Variants in EYA2 observed in about 807,000 individuals in gnomAD.
EYA2 encodes EYA transcriptional coactivator and phosphatase 2.
EYA2 carries 31 observed loss-of-function variants against 69.2 expected under a neutral mutation model. That is an observed-to-expected ratio of 0.45 (90% confidence interval 0.34 to 0.60). The LOEUF (loss-of-function observed/expected upper bound fraction) is 0.60, where lower values mean the gene tolerates loss of function less well. Among genes scored for constraint, EYA2 ranks in the 20% least tolerant of loss-of-function variants. The probability of loss-of-function intolerance (pLI) is 0.02; values close to 1 mark genes in which losing one functional copy is unlikely to be tolerated. For missense variants in EYA2, 622 were observed against 701.2 expected (o/e 0.89, Z 1.28); for synonymous variants, 257 against 279.4 (o/e 0.92, Z 0.80).
At chr20:46,903,513 G>A (rs1984214603) in intron 1 of EYA2, among the ~76,000 whole-genome samples, 1 of 152,180 alleles carries the variant, frequency 6.6e-6, no homozygotes, top group South Asian at 2.1e-4. Flanking sequence ...CTGACTTTCA[G>A]CCTCGAGATT....
At chr20:47,064,183 C>T (rs1373696497) in intron 5 of EYA2, among the ~76,000 whole-genome samples, 1 of 152,214 alleles carries the variant, frequency 6.6e-6, no homozygotes. Context: ...TCTCAAACTC[C>T]TGGGCTCAAG....
intron 1 of EYA2, chr20:46,978,230 T>A (rs1351893978): frequency 5.1e-6 from 1 of 195,738 alleles, no homozygotes; most frequent in East Asian, 1.3e-4. Context: ...AGCTTGTTAG[T>A]AGGGTCAGTC....
intron 1 of EYA2, among the ~76,000 whole-genome samples, chr20:46,983,920 T>A (rs1211528782): frequency 6.6e-6 from 1 of 152,198 alleles, no homozygotes; most frequent in African/African-American, 2.4e-5. Flanking sequence ...TGACTTCCAA[T>A]CCCTTAAGAC....
chr20:47,052,815 G>T (rs1806201868), intron 5 of EYA2, among the ~76,000 whole-genome samples: 2 of 151,972 alleles, frequency 1.3e-5, no homozygotes, highest in African/African-American at 2.4e-5. Flanking sequence ...GTAGAGATGG[G>T]ATCTCACTAT....
intron 2 of EYA2, among the ~76,000 whole-genome samples, chr20:46,996,632 G>A (rs907821912): frequency 3.3e-5 from 5 of 152,086 alleles, no homozygotes; most frequent in Admixed American, 1.3e-4. Context: ...AGGAGGCTTC[G>A]GGTCCATAAA....
intron 5 of EYA2, among the ~76,000 whole-genome samples, chr20:47,021,355 A>G (rs1983734362): frequency 6.6e-6 from 1 of 152,216 alleles, no homozygotes; most frequent in South Asian, 2.1e-4. Context: ...GGCCAAGTGC[A>G]GTGGCTCATA....
chr20:47,039,968 G>A (rs1333732760), intron 5 of EYA2, among the ~76,000 whole-genome samples: 1 of 146,054 alleles, frequency 6.8e-6, no homozygotes, highest in African/African-American at 2.5e-5. Flanking sequence ...AGCCTCCCGA[G>A]TAGCTGGGAT....
In EYA2 at chr20:47,141,478, C is replaced by T. The variant is rs185859892; in HGVS notation, c.889-1581C>T. Among the ~76,000 whole-genome samples the T allele has an allele frequency of 4.0e-4, 61 of 152,248 alleles. No individual in the cohort carries two copies. The East Asian group carries it at 0.011, about 27-fold the overall frequency. Reference sequence around the variant, plus strand: ...CTTCTCAGAGCATCACAATATGTATCCAGGGGTGGAAACCATTGTGCTGCA... The same window carrying T: ...CTTCTCAGAGCATCACAATATGTATTCAGGGGTGGAAACCATTGTGCTGCA... On this transcript the variant is annotated intron_variant, in intron 9 of 15. Transcript: ENST00000327619.
chr20:46,918,075 C>T (rs1406408299), intron 1 of EYA2, among the ~76,000 whole-genome samples: 2 of 152,074 alleles, frequency 1.3e-5, no homozygotes, highest in East Asian at 1.9e-4. Flanking sequence ...AATCCCAGCA[C>T]TTTGGGAAGC....
intron 2 of EYA2, among the ~76,000 whole-genome samples, chr20:47,001,013 G>A (rs1013848611): frequency 6.6e-6 from 1 of 152,022 alleles, no homozygotes; most frequent in Non-Finnish European, 1.5e-5. Flanking sequence ...GGAAGGGAGC[G>A]GTTTTCCATC....
intron 5 of EYA2, among the ~76,000 whole-genome samples, chr20:47,023,352 A>G (rs1208371813): frequency 2.0e-5 from 3 of 149,496 alleles, no homozygotes; most frequent in Non-Finnish European, 3.0e-5. Context: ...GGGTTTCTCT[A>G]TCACTGTTGT....
intron 9 of EYA2, among the ~76,000 whole-genome samples, chr20:47,118,350 G>T (rs150110679): frequency 6.6e-6 from 1 of 152,158 alleles, no homozygotes; most frequent in Non-Finnish European, 1.5e-5. Context: ...TTGCAGCACG[G>T]CTGGGAGAAG....
chr20:47,019,136 T>A (rs1036887362), intron 5 of EYA2, among the ~76,000 whole-genome samples: 1 of 152,016 alleles, frequency 6.6e-6, no homozygotes, highest in African/African-American at 2.4e-5. Context: ...CCCTTCACAC[T>A]CTCTTAGATC....
intron 5 of EYA2, among the ~76,000 whole-genome samples, chr20:47,050,085 A>T (rs2030250668): frequency 6.6e-6 from 1 of 152,140 alleles, no homozygotes; most frequent in African/African-American, 2.4e-5. Context: ...ATTATTGGTG[A>T]TGTTAACCTT....
At chr20:46,992,974 AG>A (rs1359762969) in intron 2 of EYA2, among the ~76,000 whole-genome samples, 1 of 152,062 alleles carries the variant, frequency 6.6e-6, no homozygotes, top group Non-Finnish European at 1.5e-5. Context: ...GTGGCTTCAA[AG>A]GTCCTACTCA....
At chr20:47,063,392 C>CGTGTGCGT (rs1430441053) in intron 5 of EYA2, among the ~76,000 whole-genome samples, 1 of 143,372 alleles carries the variant, frequency 7.0e-6, no homozygotes, top group Non-Finnish European at 1.5e-5. Context: ...TGTGCGTGTG[C>CGTGTGCGT]GTGTGTGTGT....
intron 1 of EYA2, among the ~76,000 whole-genome samples, chr20:46,942,485 A>G (rs1305618826): frequency 6.6e-6 from 1 of 152,226 alleles, no homozygotes; most frequent in Non-Finnish European, 1.5e-5. Context: ...CCTCACATTT[A>G]GAGACATTTT....
chr20:47,028,119 C>T (rs1984200699), intron 5 of EYA2, among the ~76,000 whole-genome samples: 1 of 152,170 alleles, frequency 6.6e-6, no homozygotes, highest in Non-Finnish European at 1.5e-5. Context: ...CTCCTTGTCT[C>T]TCCCTGAATG....
At chr20:47,146,045 AGGAC>A (rs1225754444) in intron 10 of EYA2, among the ~76,000 whole-genome samples, 1 of 152,142 alleles carries the variant, frequency 6.6e-6, no homozygotes, top group East Asian at 1.9e-4. Context: ...TGAAGCCAAG[AGGAC>A]TTGCTGATAG....
Sources: allele counts gnomAD v4.1 joint callset (sites outside exome capture counted in the v4.1 genomes callset), GRCh38; gene constraint gnomAD v4.1.1; transcripts MANE v1.5; gene names NCBI Gene and HGNC (gene_info 2026-07-23, HGNC 2026-07-21).